Variants in KAZN observed in about 807,000 individuals in gnomAD.
KAZN encodes kazrin, periplakin interacting protein.
KAZN carries 40 observed loss-of-function variants against 87.4 expected under a neutral mutation model. The observed-to-expected ratio is 0.46, with a 90% CI of 0.36 to 0.60. KAZN has a LOEUF of 0.60. Ranked by LOEUF, KAZN falls within the 20% of genes least tolerant of loss-of-function variation. The pLI is 0.00. For synonymous variants in KAZN, 466 were observed against 458.3 expected (o/e 1.02, Z -0.22); for missense variants, 898 against 1,073.9 (o/e 0.84, Z 2.29).
intron 2 of KAZN, among the ~76,000 whole-genome samples, chr1:14,540,173 C>T (rs371434456): frequency 2.0e-5 from 3 of 152,182 alleles, no homozygotes; most frequent in South Asian, 2.1e-4. Context: ...GGGAAATCAA[C>T]GTTTCGCATC....
intron 1 of KAZN, among the ~76,000 whole-genome samples, chr1:14,824,785 C>T (rs1384473676): frequency 6.6e-6 from 1 of 152,206 alleles, no homozygotes; most frequent in Non-Finnish European, 1.5e-5. Flanking sequence ...ACGGTATTTG[C>T]AGCCTTCTTC....
At chr1:14,200,551 T>A (rs1011076806) in intron 2 of KAZN, among the ~76,000 whole-genome samples, 1 of 152,218 alleles carries the variant, frequency 6.6e-6, no homozygotes, top group African/African-American at 2.4e-5. Context: ...TTGAGCCCAG[T>A]TTGTTTCTGC....
rs1248111424 is a variant in KAZN, at chr1:14,398,066, A to G, written c.250-200917A>G. On this transcript the variant is annotated intron_variant, in intron 2 of 16. Transcript: ENST00000636203. ...CAAGTGAGTCTAGCCAAGATAAGTC[A>G]AGCCCAGCCTATAGCTGCTCGCTCC... 4.6e-5 allele frequency among the ~76,000 whole-genome samples: 7 copies of G among 152,306 alleles called. No homozygotes were observed. In the East Asian group the frequency reaches 1.2e-3, roughly 25 times the overall value.
intron 2 of KAZN, among the ~76,000 whole-genome samples, chr1:14,208,365 G>T: frequency 6.6e-6 from 1 of 152,124 alleles, no homozygotes; most frequent in East Asian, 1.9e-4. Flanking sequence ...AATTATCAAG[G>T]TAGTTTGCAC....
chr1:13,914,312 C>A (rs934809448), intron 1 of KAZN, among the ~76,000 whole-genome samples: 1 of 152,212 alleles, frequency 6.6e-6, no homozygotes, highest in Non-Finnish European at 1.5e-5. Flanking sequence ...TCATTTAGCC[C>A]CCTGAGCATC....
Position 15,075,438 on chromosome 1 carries a change from C to T in KAZN, c.1222+9685C>T, listed in dbSNP as rs191322575. On this transcript the variant is annotated intron_variant, in intron 8 of 14. Transcript: ENST00000376030. ...ACCCATCTAGTGTTTCCCAAACTTA[C>T]GTGACCACAGAACCACACCTTTTAC... is the stretch of plus-strand genomic sequence containing the variant. Among the ~76,000 whole-genome samples, 657 of 152,300 alleles carry T rather than the reference C, an allele frequency of 4.3e-3. 2 individuals are homozygous for T. Among genetic ancestry groups the T allele is most frequent in the African/African-American group, 0.015 (628 of 41,562 alleles).
intron 2 of KAZN, among the ~76,000 whole-genome samples, chr1:14,213,580 A>G (rs541938482): frequency 5.3e-5 from 8 of 152,200 alleles, no homozygotes; most frequent in Non-Finnish European, 1.0e-4. Flanking sequence ...AGAGCCAGTG[A>G]GGGAGAGAAG....
intron 1 of KAZN, among the ~76,000 whole-genome samples, chr1:14,740,552 A>C (rs985764561): frequency 1.7e-4 from 25 of 151,338 alleles, no homozygotes; most frequent in East Asian, 3.9e-4. Context: ...CCGCCCCCCC[A>C]AAAAAATGAA....
At chr1:14,601,425 A>T (rs1676970829) in intron 1 of KAZN, among the ~76,000 whole-genome samples, 1 of 151,638 alleles carries the variant, frequency 6.6e-6, no homozygotes, top group Non-Finnish European at 1.5e-5. Context: ...TAGCCTCTGT[A>T]AGTTTGGGGG....
chr1:14,363,233 A>G (rs1044212158), intron 2 of KAZN, among the ~76,000 whole-genome samples: 1 of 152,180 alleles, frequency 6.6e-6, no homozygotes, highest in Non-Finnish European at 1.5e-5. Context: ...CCTGGAAGGC[A>G]TCCACTTTAG....
chr1:14,900,099 C>G (rs1164005070), intron 1 of KAZN, among the ~76,000 whole-genome samples: 1 of 152,148 alleles, frequency 6.6e-6, no homozygotes, highest in Non-Finnish European at 1.5e-5. Context: ...CCTGTGTATC[C>G]CAGGGCTCAA....
chr1:14,718,765 A>G lies in KAZN; in HGVS notation c.226+119542A>G, dbSNP rs115233481. On this transcript the variant is annotated intron_variant, in intron 1 of 14. Coordinates refer to ENST00000376030, the MANE Select transcript of KAZN (RefSeq NM_201628.3). ...AAGGAGGAGACAGAACTGGGGTTTAATTTAACTCCTAAACTACTGAATCCG... is the reference window on the plus strand; with the variant it reads ...AAGGAGGAGACAGAACTGGGGTTTAGTTTAACTCCTAAACTACTGAATCCG... Among the ~76,000 whole-genome samples, 331 of 152,304 alleles carry G rather than the reference A, an allele frequency of 2.2e-3. 1 individual carries two copies. The highest frequency in any genetic ancestry group is 7.7e-3 in the African/African-American group (319 of 41,556).
intron 1 of KAZN, among the ~76,000 whole-genome samples, chr1:13,931,695 A>AT (rs1435637344): frequency 6.6e-6 from 1 of 152,056 alleles, no homozygotes; most frequent in Non-Finnish European, 1.5e-5. Context: ...GTGTGTGTGT[A>AT]TTTGGCCCCT....
chr1:14,784,758 C>CA (rs923689369), intron 1 of KAZN, among the ~76,000 whole-genome samples: 5 of 151,390 alleles, frequency 3.3e-5, no homozygotes, highest in Non-Finnish European at 5.9e-5. Context: ...GACTTTGTCT[C>CA]AAAAAAAAGT....
intron 2 of KAZN, among the ~76,000 whole-genome samples, chr1:14,374,409 G>A (rs544093572): frequency 4.6e-4 from 70 of 152,308 alleles, no homozygotes; most frequent in African/African-American, 1.6e-3. Flanking sequence ...AGGGGACAGC[G>A]TCTGCAAGCT....
intron 2 of KAZN, among the ~76,000 whole-genome samples, chr1:14,303,783 A>G (rs1654731069): frequency 6.6e-6 from 1 of 152,140 alleles, no homozygotes; most frequent in Non-Finnish European, 1.5e-5. Context: ...AGGCATCTCC[A>G]GCTTTCATTT....
At chr1:14,459,275 G>A (rs1230784435) in intron 2 of KAZN, among the ~76,000 whole-genome samples, 1 of 152,054 alleles carries the variant, frequency 6.6e-6, no homozygotes, top group Non-Finnish European at 1.5e-5. Context: ...GTGTGTGTGT[G>A]TGTGTGTATA....
At chr1:14,883,347 A>AGGG (rs1557586240) in intron 1 of KAZN, among the ~76,000 whole-genome samples, 7 of 33,106 alleles carry the variant, frequency 2.1e-4, no homozygotes, top group African/African-American at 3.6e-4. Context: ...AGAGAGAAAG[A>AGGG]AAGAAAGAAA....
chr1:14,505,742 G>C (rs567276564), intron 2 of KAZN, among the ~76,000 whole-genome samples: 4 of 152,338 alleles, frequency 2.6e-5, no homozygotes, highest in Non-Finnish European at 4.4e-5. Context: ...GGGAGGCCGA[G>C]GTGGGTGGAT....
Sources: allele counts gnomAD v4.1 joint callset (sites outside exome capture counted in the v4.1 genomes callset), GRCh38; gene constraint gnomAD v4.1.1; transcripts MANE v1.5; gene names NCBI Gene and HGNC (gene_info 2026-07-23, HGNC 2026-07-21).